Variants in IQSEC1 observed in about 807,000 individuals in gnomAD.
The protein encoded by IQSEC1 is IQ motif and SEC7 domain-containing protein 1.
A neutral mutation model predicts 91.0 loss-of-function variants in IQSEC1; 31 were observed. The ratio of observed to expected loss-of-function variants is 0.34; its 90% CI spans 0.26 to 0.46. The LOEUF is 0.46. IQSEC1 is among the 20% of genes least tolerant of loss of function. IQSEC1 has a pLI of 1.00. For missense variants in IQSEC1, 1,388 were observed against 1,575.6 expected (o/e 0.88, Z 2.02); for synonymous variants, 699 against 662.6 (o/e 1.05, Z -0.84).
At chr3:13,264,970 CTT>C (rs1559289438) in intron 1 of IQSEC1, among the ~76,000 whole-genome samples, 7 of 152,140 alleles carry the variant, frequency 4.6e-5, no homozygotes, top group Admixed American at 2.6e-4. Flanking sequence ...GTCTGCCTCT[CTT>C]TCTCTCAGCA....
chr3:13,154,438 C>CACATATATATATAT (rs1277879413), intron 2 of IQSEC1, among the ~76,000 whole-genome samples: 1,792 of 20,744 alleles, frequency 0.086, 439 homozygotes, highest in Non-Finnish European at 0.1. Context: ...AACTTACATG[C>CACATATATATATAT]ATATATATAT....
At chr3:13,016,769 A>T (rs1310900326) in intron 1 of IQSEC1, among the ~76,000 whole-genome samples, 3 of 152,188 alleles carry the variant, frequency 2.0e-5, no homozygotes, top group African/African-American at 7.2e-5. Context: ...TAATTCACAC[A>T]CCATACAACT....
At chr3:13,219,497 G>T (rs1576299361) in intron 1 of IQSEC1, among the ~76,000 whole-genome samples, 1 of 152,184 alleles carries the variant, frequency 6.6e-6, no homozygotes, top group African/African-American at 2.4e-5. Context: ...ACCCCCGGCG[G>T]GAAGGCACAT....
intron 1 of IQSEC1, among the ~76,000 whole-genome samples, chr3:13,221,673 C>T (rs552602176): frequency 1.3e-5 from 2 of 152,392 alleles, no homozygotes; most frequent in African/African-American, 4.8e-5. Flanking sequence ...GTCTCCTGCC[C>T]AAGTGGGGCT....
chr3:13,256,022 G>A (rs1695279631), intron 1 of IQSEC1, among the ~76,000 whole-genome samples: 1 of 152,218 alleles, frequency 6.6e-6, no homozygotes, highest in South Asian at 2.1e-4. Context: ...CCACCACAAA[G>A]AGTGAAGTGG....
chr3:12,935,925 G>A lies in IQSEC1; in HGVS notation c.1091C>T (p.Pro364Leu), dbSNP rs1032837409. The A allele has an allele frequency of 1.2e-6, 2 of 1,600,074 alleles. No homozygotes were observed. The highest frequency in any genetic ancestry group is 1.7e-6 in the Non-Finnish European group (2 of 1,179,396). The change falls in exon 3 of 14, where the codon CCG becomes CTG. Residue 364 changes from proline to leucine, a missense_variant. Pro to Leu is a moderately conservative substitution (Grantham distance 98). This residue lies in a region of IQSEC1 where 1,059 missense variants were observed against 1,317.8 expected (regional missense o/e 0.80). Transcript: ENST00000613206. The surrounding 1 kb of genome is among the most constrained non-coding windows in gnomAD (Gnocchi z 8.0). ...GCTGGGTGGCTCGATGGTGAGCAGCGGCAGATGCTCCACCCGCAGCCGCTG... is the reference window on the plus strand; with the variant it reads ...GCTGGGTGGCTCGATGGTGAGCAGCAGCAGATGCTCCACCCGCAGCCGCTG... The part of the protein sequence containing the change: ...QEQRLRVEHL[P>L]LLTIEPPSDS...
intron 1 of IQSEC1, among the ~76,000 whole-genome samples, chr3:12,981,297 T>G (rs1055257822): frequency 6.6e-6 from 1 of 152,204 alleles, no homozygotes; most frequent in Non-Finnish European, 1.5e-5. Flanking sequence ...TAGGGCTAAG[T>G]CATTGATAAA....
chr3:13,084,631 G>T (rs1241757984), intron 2 of IQSEC1, among the ~76,000 whole-genome samples: 3 of 152,182 alleles, frequency 2.0e-5, no homozygotes, highest in Admixed American at 6.5e-5. Flanking sequence ...TCTCCTGCCT[G>T]CCATTCCAGA....
chr3:13,271,959 G>C (rs2125145973), intron 1 of IQSEC1, among the ~76,000 whole-genome samples: 1 of 152,252 alleles, frequency 6.6e-6, no homozygotes, highest in African/African-American at 2.4e-5. Flanking sequence ...AACATGTACA[G>C]AACAGTCCAC....
rs1261526690 is a variant in IQSEC1, at chr3:13,214,605, AG to A, written c.273-50473del. Among the ~76,000 whole-genome samples the A allele has an allele frequency of 3.9e-5, 6 of 152,188 alleles. No individual in the cohort carries two copies. Among genetic ancestry groups the A allele is most frequent in the African/African-American group, 1.4e-4 (6 of 41,462 alleles). On this transcript the variant is annotated intron_variant, in intron 1 of 15. Coordinates refer to the IQSEC1 transcript ENST00000648114. The surrounding 1 kb of genome is among the most constrained non-coding windows in gnomAD (Gnocchi z 4.5). ...GCAGGAATCCTAGCAGAAGCCTGTGAGGTGAGGAGGGGGCACCTCCAGGAAT... is the reference window on the plus strand; with the variant it reads ...GCAGGAATCCTAGCAGAAGCCTGTGAGTGAGGAGGGGGCACCTCCAGGAAT...
chr3:13,101,629 G>A (rs1441653622), intron 2 of IQSEC1, among the ~76,000 whole-genome samples: 1 of 151,944 alleles, frequency 6.6e-6, no homozygotes, highest in East Asian at 1.9e-4. Flanking sequence ...AGGAAGGGGA[G>A]TCAGGCTGGG....
intron 1 of IQSEC1, among the ~76,000 whole-genome samples, chr3:12,974,864 G>A (rs1050680351): frequency 6.6e-6 from 1 of 152,226 alleles, no homozygotes; most frequent in African/African-American, 2.4e-5. Context: ...TGGCCCCCTG[G>A]GGCACAGCTC....
intron 1 of IQSEC1, among the ~76,000 whole-genome samples, chr3:13,249,772 T>TC (rs1349289350): frequency 1.3e-5 from 2 of 152,100 alleles, no homozygotes; most frequent in African/African-American, 4.8e-5. Flanking sequence ...AGGAGCAGAC[T>TC]CCAAGGAAGC....
At chr3:13,194,235 G>A (rs143392758) in intron 1 of IQSEC1, among the ~76,000 whole-genome samples, 1 of 152,306 alleles carries the variant, frequency 6.6e-6, no homozygotes, top group East Asian at 1.9e-4. Context: ...TCAGCCGGGA[G>A]CAGTTGGAAT....
intron 1 of IQSEC1, among the ~76,000 whole-genome samples, chr3:13,041,148 C>T (rs967517954): frequency 1.3e-5 from 2 of 151,964 alleles, no homozygotes; most frequent in Non-Finnish European, 2.9e-5. Context: ...ATATAAAGTG[C>T]CCCACCGCGG....
chr3:13,180,951 A>G (rs1298025465), intron 1 of IQSEC1, among the ~76,000 whole-genome samples: 1 of 152,214 alleles, frequency 6.6e-6, no homozygotes, highest in African/African-American at 2.4e-5. Context: ...CAGTGAGACC[A>G]AGAACCCACC....
Position 13,007,058 on chromosome 3 carries a change from T to G in IQSEC1, c.24-65193A>C, listed in dbSNP as rs1702667500. Among the ~76,000 whole-genome samples the G allele has an allele frequency of 3.3e-5, 5 of 152,348 alleles. No homozygotes were observed. In the South Asian group the frequency reaches 1.0e-3, roughly 32 times the overall value. On this transcript the variant is annotated intron_variant, in intron 1 of 13. Transcript: ENST00000613206. ...CCAAAGTCGGTTTTGCTAGGCTTTG[T>G]CCTCCTCCAGGTCTTTTTGGCCCCC...
rs147133027 is a variant in IQSEC1, at chr3:13,008,160, G to C, written c.23+64832C>G. Among the ~76,000 whole-genome samples, 2,069 of 152,286 alleles carry C rather than the reference G, an allele frequency of 0.014. 16 individuals carry two copies. The highest frequency in any genetic ancestry group is 0.024 in the Middle Eastern group (7 of 294). On this transcript the variant is annotated intron_variant, in intron 1 of 13. Transcript: ENST00000613206. This position sits in a 1 kb window ranked among gnomAD's most constrained non-coding sequence, Gnocchi z 4.1. ...TACTTCTTGGCAGTTCTGAAGTTCAGGACTGAACCTAGCTGCCTCTCCTGG... is the reference window on the plus strand; with the variant it reads ...TACTTCTTGGCAGTTCTGAAGTTCACGACTGAACCTAGCTGCCTCTCCTGG...
At chr3:12,926,135 A>T (rs1697102062) in intron 3 of IQSEC1, among the ~76,000 whole-genome samples, 1 of 151,734 alleles carries the variant, frequency 6.6e-6, no homozygotes, top group Admixed American at 6.6e-5. Flanking sequence ...ACATGGTGAA[A>T]CCCCATCTCT....
Sources: allele counts gnomAD v4.1 joint callset (sites outside exome capture counted in the v4.1 genomes callset), GRCh38; gene constraint gnomAD v4.1.1; regional missense constraint gnomAD v4.1.1; non-coding constraint Gnocchi (gnomAD v3.1); transcripts MANE v1.5; gene names NCBI Gene and HGNC (gene_info 2026-07-23, HGNC 2026-07-21).